DNM3: variants seen among roughly 807,000 people sequenced by gnomAD.
DNM3 encodes dynamin-3.
Under a neutral mutation model 101.6 loss-of-function variants are expected in DNM3, and 47 were observed. That is an observed-to-expected ratio of 0.46 (90% CI 0.37 to 0.59). DNM3 has a LOEUF of 0.59. DNM3 is among the 20% of genes least tolerant of loss of function. DNM3 has a pLI of 0.00. For synonymous variants in DNM3, 385 were observed against 387.9 expected (o/e 0.99, Z 0.09); for missense variants, 849 against 1,085.7 (o/e 0.78, Z 3.06).
At chr1:172,192,418 C>A (rs1463560925) in intron 14 of DNM3, among the ~76,000 whole-genome samples, 1 of 149,342 alleles carries the variant, frequency 6.7e-6, no homozygotes, top group Non-Finnish European at 1.5e-5. Context: ...GGTACATGTG[C>A]ACATTGTGCA....
intron 2 of DNM3, among the ~76,000 whole-genome samples, chr1:171,962,659 T>C (rs1172599283): frequency 6.6e-6 from 1 of 152,160 alleles, no homozygotes; most frequent in African/African-American, 2.4e-5. Flanking sequence ...AAGAGACCAC[T>C]ATAAGAAGAT....
chr1:172,183,846 G>C (rs2059432217), intron 14 of DNM3, among the ~76,000 whole-genome samples: 1 of 128,306 alleles, frequency 7.8e-6, no homozygotes, highest in African/African-American at 2.9e-5. Context: ...GGGCTCAAGT[G>C]TTCCTTCTGC....
intron 15 of DNM3, among the ~76,000 whole-genome samples, chr1:172,278,087 C>T (rs1169196643): frequency 1.3e-5 from 2 of 152,108 alleles, no homozygotes; most frequent in African/African-American, 4.8e-5. Context: ...GAAGTGAACA[C>T]TTGGTTTGAC....
In DNM3 at chr1:172,388,628, G is replaced by T. The variant is rs181035771; in HGVS notation, c.2341G>T (p.Ala781Ser). ...GAGGCCAACACTAAGTGCTCCCCTC[G>T]CAAGGCCCACATCCGGCCGAGGACC... ...QRRPTLSAPL[A>S]RPTSGRGPAP... The change falls in exon 20 of 21, where the codon GCA becomes TCA. Residue 781 changes from alanine (A) to serine (S), a missense_variant. Ala to Ser is a moderately conservative substitution (Grantham distance 99). This residue lies in a region of DNM3 where 256 missense variants were observed against 311.7 expected (regional missense o/e 0.82). Coordinates refer to ENST00000627582, the MANE Select transcript of DNM3 (RefSeq NM_015569.5). 15 of 1,613,836 alleles carry T rather than the reference G, an allele frequency of 9.3e-6. No homozygotes were observed. In the African/African-American group the frequency reaches 1.9e-4, roughly 20 times the overall value.
intron 14 of DNM3, chr1:172,133,352 TACA>T (rs1397361315): frequency 1.0e-6 from 1 of 996,630 alleles, no homozygotes; most frequent in Non-Finnish European, 1.2e-6. Flanking sequence ...AGTACTTGAT[TACA>T]ACAAATGGAA....
Position 172,262,738 on chromosome 1 carries a change from A to G in DNM3, c.1769+9056A>G, listed in dbSNP as rs536233093. On this transcript the variant is annotated intron_variant, in intron 15 of 20. Transcript: ENST00000627582. ...AAATACCAGATTGATCTAGGCAGCC[A>G]TCTTGAAGCCCCCTCTTTGTATTTG... Among the ~76,000 whole-genome samples, 4 of 152,298 alleles carry G rather than the reference A, an allele frequency of 2.6e-5. No homozygotes were observed. In the South Asian group the frequency reaches 8.3e-4, roughly 32 times the overall value.
rs41263738 is a variant in DNM3, at chr1:172,411,341, C to T, written c.*3500C>T. The T allele has an allele frequency of 0.015, 14,534 of 984,880 alleles. 121 individuals carry two copies. Among genetic ancestry groups the T allele is most frequent in the Non-Finnish European group, 0.016 (13,417 of 829,540 alleles). 61.0% of individuals were successfully genotyped at this position (984,880 alleles called of 1,614,324 possible). A position where few individuals can be genotyped will look rare whatever the true frequency, so the allele number is the denominator to read the frequency against. ...ATGACAACATGGTAATGTCCATAGA[C>T]ATTTGTATCTGAATCCACAAGAAGA... On this transcript the variant is annotated 3_prime_UTR_variant, in exon 21 of 21. Transcript: ENST00000627582.
chr1:172,204,211 AT>A (rs1337894340), intron 14 of DNM3, among the ~76,000 whole-genome samples: 2 of 152,104 alleles, frequency 1.3e-5, no homozygotes, highest in Admixed American at 1.3e-4. Context: ...AAACTGGCAT[AT>A]TTTTGGTATG....
chr1:172,032,585 C>A, intron 5 of DNM3, 85 bp downstream of exon 5: 2 of 843,084 alleles, frequency 2.4e-6, no homozygotes, highest in Non-Finnish European at 3.5e-6. Context: ...ATTGGGAAGC[C>A]ACTAGGAGGT....
intron 17 of DNM3, among the ~76,000 whole-genome samples, chr1:172,362,513 C>T (rs1038787481): frequency 6.6e-6 from 1 of 151,910 alleles, no homozygotes; most frequent in Non-Finnish European, 1.5e-5. Flanking sequence ...TTCTCCTGTA[C>T]AGCATACTGA....
At chr1:172,377,560 A>ATATATATC (rs2149052128) in intron 17 of DNM3, among the ~76,000 whole-genome samples, 1 of 96,504 alleles carries the variant, frequency 1.0e-5, no homozygotes, top group African/African-American at 3.7e-5. Context: ...TATCATATAT[A>ATATATATC]TATATATATA....
chr1:172,038,544 G>A, intron 7 of DNM3, 83 bp downstream of exon 7: 1 of 1,538,352 alleles, frequency 6.5e-7, no homozygotes, highest in East Asian at 2.3e-5. Context: ...TTGTCACGTT[G>A]CTTCTTAGGT....
At chr1:172,072,267 C>T (rs940614774) in intron 11 of DNM3, among the ~76,000 whole-genome samples, 1 of 152,134 alleles carries the variant, frequency 6.6e-6, no homozygotes, top group African/African-American at 2.4e-5. Flanking sequence ...GATCACGCTT[C>T]CTAATGTTTC....
At chr1:172,227,863 A>G (rs963506974) in intron 14 of DNM3, among the ~76,000 whole-genome samples, 7 of 152,142 alleles carry the variant, frequency 4.6e-5, no homozygotes, top group African/African-American at 1.7e-4. Context: ...GTCATAGTGG[A>G]TATTATTAGT....
intron 14 of DNM3, among the ~76,000 whole-genome samples, chr1:172,179,185 G>A (rs931896468): frequency 1.3e-5 from 2 of 151,918 alleles, no homozygotes; most frequent in Admixed American, 6.6e-5. Context: ...TATTATTAGT[G>A]GTGACTGATT....
intron 2 of DNM3, among the ~76,000 whole-genome samples, chr1:171,982,328 C>A (rs77600854): frequency 0.012 from 1,795 of 152,228 alleles, 25 homozygotes; most frequent in African/African-American, 0.041. Flanking sequence ...TTTCCTTCAT[C>A]CCCAAACTAC....
At chr1:172,347,898 G>C (rs1172589767) in intron 17 of DNM3, among the ~76,000 whole-genome samples, 1 of 152,068 alleles carries the variant, frequency 6.6e-6, no homozygotes, top group Non-Finnish European at 1.5e-5. Flanking sequence ...TCCCAAACAA[G>C]TGAACTCCAG....
intron 17 of DNM3, among the ~76,000 whole-genome samples, chr1:172,375,913 G>A (rs1230351123): frequency 6.6e-6 from 1 of 151,250 alleles, no homozygotes; most frequent in Non-Finnish European, 1.5e-5. Context: ...GATCCCTTGA[G>A]TTCAGGGGTT....
At chr1:171,895,772 G>T (rs528626514) in intron 1 of DNM3, among the ~76,000 whole-genome samples, 44 of 151,976 alleles carry the variant, frequency 2.9e-4, no homozygotes, top group Non-Finnish European at 4.7e-4. Flanking sequence ...ATGGTTTTAG[G>T]TCTAACATTT....
Sources: allele counts gnomAD v4.1 joint callset (sites outside exome capture counted in the v4.1 genomes callset), GRCh38; gene constraint gnomAD v4.1.1; regional missense constraint gnomAD v4.1.1; transcripts MANE v1.5; gene names NCBI Gene and HGNC (gene_info 2026-07-23, HGNC 2026-07-21).